The following NFYC variants were observed in gnomAD, a reference collection of about 807,000 sequenced individuals.
NFYC encodes nuclear transcription factor Y subunit gamma.
In NFYC, 25 loss-of-function variants were observed where a neutral mutation model predicts 53.1. The observed-to-expected ratio is 0.47, with a 90% confidence interval of 0.34 to 0.66. The LOEUF (loss-of-function observed/expected upper bound fraction) is 0.66. Ranked by LOEUF, NFYC falls within the 30% of genes least tolerant of loss-of-function variation. The pLI is 0.01. For missense variants in NFYC, 260 were observed against 422.7 expected, an observed-to-expected ratio of 0.62 and a Z score of 3.38; for synonymous variants, 145 against 152.6, an observed-to-expected ratio of 0.95 and a Z score of 0.37.
At chr1:40,761,681 C>T (rs762055650) in intron 6 of NFYC, among the ~76,000 whole-genome samples, 5 of 152,164 alleles carry the variant, frequency 3.3e-5, no homozygotes, top group Admixed American at 1.3e-4. Context: ...TCTCATCTGT[C>T]GTTCCCAGAA....
intron 6 of NFYC, among the ~76,000 whole-genome samples, chr1:40,759,049 G>A (rs1035398797): frequency 6.6e-6 from 1 of 152,316 alleles, no homozygotes; most frequent in African/African-American, 2.4e-5. Context: ...ACGTGGGAAT[G>A]TGTACAGGGT....
chr1:40,768,185 G>C (rs1646913612), intron 8 of NFYC, among the ~76,000 whole-genome samples: 1 of 152,174 alleles, frequency 6.6e-6, no homozygotes, highest in African/African-American at 2.4e-5. Flanking sequence ...AAAATGTAAA[G>C]GTAAATGAAA....
intron 1 of NFYC, among the ~76,000 whole-genome samples, chr1:40,720,730 T>C (rs2885502): frequency 0.013 from 1,935 of 152,220 alleles, 26 homozygotes; most frequent in South Asian, 0.044. Context: ...TAGCCAGGTA[T>C]GGTGGCAAGC....
intron 6 of NFYC, among the ~76,000 whole-genome samples, chr1:40,758,933 A>G (rs1379073946): frequency 6.6e-6 from 1 of 152,190 alleles, no homozygotes. Context: ...TCTGAGGGTA[A>G]AGTTCTGTGC....
rs957012309 is a variant in NFYC, at chr1:40,770,419, G to C, written c.889-290G>C. The C allele has an allele frequency of 6.5e-7, 1 of 1,548,706 alleles. No homozygotes were observed. Among genetic ancestry groups the C allele is most frequent in the Admixed American group, 2.0e-5 (1 of 50,948 alleles). On this transcript the variant is annotated intron_variant, in intron 9 of 9. Coordinates refer to ENST00000447388, the MANE Select transcript of NFYC (RefSeq NM_014223.5). The surrounding 1 kb of genome is among the most constrained non-coding windows in gnomAD (Gnocchi z 5.3). Reference sequence around the variant, plus strand: ...CAGAGGAACAGCGTGCAGCAAGCTCGAGTCTCTGAGCTAACGGGAGAGGCA... The same window carrying C: ...CAGAGGAACAGCGTGCAGCAAGCTCCAGTCTCTGAGCTAACGGGAGAGGCA...
At chr1:40,707,751 A>T (rs1238494209) in intron 1 of NFYC, among the ~76,000 whole-genome samples, 1 of 151,684 alleles carries the variant, frequency 6.6e-6, no homozygotes, top group East Asian at 1.9e-4. Context: ...AGGTGGGAAG[A>T]TCGCTTGAGC....
chr1:40,705,224 T>C (rs747223888), intron 1 of NFYC, among the ~76,000 whole-genome samples: 2 of 152,250 alleles, frequency 1.3e-5, no homozygotes, highest in Non-Finnish European at 2.9e-5. Flanking sequence ...TGCTTAGTTG[T>C]TTTGCCATAC....
rs546851249 is a variant in NFYC, at chr1:40,771,272, G to A, written c.*444G>A. On this transcript the variant is annotated 3_prime_UTR_variant, in exon 10 of 10. Coordinates refer to ENST00000447388, the MANE Select transcript of NFYC (RefSeq NM_014223.5). The stretch of plus-strand genomic sequence containing the variant: ...AGCTGCTACCCCCAAGACTTGCCAC[G>A]TTGTTCTGCCCTCAGATGGAATTAG... 1.3e-4 allele frequency: 41 copies of A among 323,458 alleles called. No homozygotes were observed. The East Asian group carries it at 3.4e-3, about 27-fold the overall frequency. The allele number at this position is 323,458 out of a possible 1,614,324, so 20.0% of individuals were successfully genotyped here. A position where few individuals can be genotyped will look rare whatever the true frequency, so the allele number is the denominator to read the frequency against.
At chr1:40,725,029 A>G (rs893794120) in intron 1 of NFYC, among the ~76,000 whole-genome samples, 1 of 152,186 alleles carries the variant, frequency 6.6e-6, no homozygotes, top group East Asian at 1.9e-4. Flanking sequence ...TATGTTATTC[A>G]TTCTTGTATT....
In NFYC at chr1:40,764,405, C is replaced by T. The variant is rs1047836294; in HGVS notation, c.720+1359C>T. ...TATGTCTCTTTCTCTACCTCTCTCA[C>T]GTGTGCTTACGATACCCAGGATTGC... On this transcript the variant is annotated intron_variant, in intron 7 of 9. Transcript: ENST00000447388. 7.2e-5 allele frequency among the ~76,000 whole-genome samples: 11 copies of T among 152,300 alleles called. No homozygotes were observed. In the East Asian group the frequency reaches 1.7e-3, roughly 24 times the overall value.
At chr1:40,730,471 G>A (rs1644719974) in intron 1 of NFYC, 1 of 771,418 alleles carries the variant, frequency 1.3e-6, no homozygotes, top group Admixed American at 6.2e-5. Flanking sequence ...GGTGGGAATG[G>A]CCAGTTGGTA....
intron 1 of NFYC, among the ~76,000 whole-genome samples, chr1:40,696,787 G>C (rs1008698275): frequency 6.6e-6 from 1 of 152,166 alleles, no homozygotes; most frequent in Non-Finnish European, 1.5e-5. Flanking sequence ...TCTGTTTCTT[G>C]TTCTCAGAGG....
At position 40,730,607 on chromosome 1, in the gene NFYC, G is replaced by GT. The variant is rs375586785; in HGVS notation, c.-8-8228dup. 69 of 985,184 alleles carry GT rather than the reference G, an allele frequency of 7.0e-5. 1 individual carries two copies. Among genetic ancestry groups the GT allele is most frequent in the African/African-American group, 1.2e-4 (7 of 57,222 alleles). The allele number at this position is 985,184 out of a possible 1,614,324, so 61.0% of individuals were successfully genotyped here. On this transcript the variant is annotated intron_variant, in intron 1 of 9. Transcript: ENST00000447388. ...CAAGTCACAAAAGTGAGTGAAGAAGGTAAGTGCCTTGATCATAGAGAGATA... is the reference window on the plus strand; with the variant it reads ...CAAGTCACAAAAGTGAGTGAAGAAGGTTAAGTGCCTTGATCATAGAGAGATA...
At chr1:40,761,045 G>A (rs1646518616) in intron 6 of NFYC, among the ~76,000 whole-genome samples, 1 of 152,172 alleles carries the variant, frequency 6.6e-6, no homozygotes, top group Admixed American at 6.5e-5. Context: ...TGGCTGTTGT[G>A]CCCTGACAGC....
rs756047546 is a variant in NFYC, at chr1:40,770,435, G to A, written c.889-274G>A. 18 of 1,550,160 alleles carry A rather than the reference G, an allele frequency of 1.2e-5. No individual in the cohort carries two copies. Among genetic ancestry groups the A allele is most frequent in the African/African-American group, 2.7e-5 (2 of 72,960 alleles). On this transcript the variant is annotated intron_variant, in intron 9 of 9. Transcript: ENST00000447388. This position sits in a 1 kb window ranked among gnomAD's most constrained non-coding sequence, Gnocchi z 5.3. The stretch of plus-strand genomic sequence containing the variant: ...AGCAAGCTCGAGTCTCTGAGCTAAC[G>A]GGAGAGGCAGAGCCCAGAGAAGTGA...
intron 5 of NFYC, chr1:40,754,438 A>G (rs1444953043): frequency 1.9e-6 from 1 of 533,854 alleles, no homozygotes; most frequent in East Asian, 5.5e-5. Flanking sequence ...TTACAGCGGC[A>G]GGCTGCCACG....
intron 6 of NFYC, among the ~76,000 whole-genome samples, chr1:40,760,454 C>T (rs1465570828): frequency 3.9e-5 from 6 of 152,186 alleles, no homozygotes; most frequent in African/African-American, 1.4e-4. Context: ...GGCGTAGTGG[C>T]TCACACCTGT....
chr1:40,754,575 C>T (rs1570661437), intron 5 of NFYC: 1 of 380,524 alleles, frequency 2.6e-6, no homozygotes, highest in East Asian at 7.3e-5. Flanking sequence ...ATTTATCTTC[C>T]TTCAGAACAA....
In NFYC at chr1:40,720,344, G is replaced by GATA. The variant is rs1250486333; in HGVS notation, c.-8-18490_-8-18489insAAT. 3.3e-5 allele frequency among the ~76,000 whole-genome samples: 5 copies of GATA among 152,194 alleles called. No individual in the cohort carries two copies. The East Asian group carries it at 9.6e-4, about 29-fold the overall frequency. ...TGTCCCACCACCCCCCTGGTTTTTA[G>GATA]ATGTATTAAGTCACCAGCACAATCT... On this transcript the variant is annotated intron_variant, in intron 1 of 9. Transcript: ENST00000447388.
Sources: allele counts gnomAD v4.1 joint callset (sites outside exome capture counted in the v4.1 genomes callset), GRCh38; gene constraint gnomAD v4.1.1; non-coding constraint Gnocchi (gnomAD v3.1); transcripts MANE v1.5; gene names NCBI Gene and HGNC (gene_info 2026-07-23, HGNC 2026-07-21).